ORC2: variants seen among roughly 807,000 people sequenced by gnomAD.
ORC2 encodes origin recognition complex protein 2 homolog.
Under a neutral mutation model 77.7 loss-of-function variants are expected in ORC2, and 37 were observed. The ratio of observed to expected loss-of-function variants is 0.48; its 90% CI spans 0.37 to 0.63. The LOEUF is 0.63. ORC2 is among the 20% of genes least tolerant of loss of function. ORC2 has a pLI of 0.00. For synonymous variants in ORC2, 201 were observed against 229.5 expected (o/e 0.88, Z 1.12); for missense variants, 557 against 661.9 (o/e 0.84, Z 1.74).
At chr2:200,928,999 C>T (rs920886782) in intron 11 of ORC2, among the ~76,000 whole-genome samples, 3 of 151,950 alleles carry the variant, frequency 2.0e-5, no homozygotes, top group Non-Finnish European at 4.4e-5. Context: ...CCTGCTCTGT[C>T]ACCCAGGCTG....
chr2:200,957,515 G>C lies in ORC2; in HGVS notation c.124C>G (p.Leu42Val), dbSNP rs745818859. 2.5e-6 allele frequency: 4 copies of C among 1,608,300 alleles called. No individual in the cohort carries two copies. Among genetic ancestry groups the C allele is most frequent in the Non-Finnish European group, 3.4e-6 (4 of 1,177,278 alleles). Reference sequence around the variant, plus strand: ...ATTATTTTTTTGGGGTTGACCAAAAGCTGCGCTCGCTCCTTCTTCAATTTA... The same window carrying C: ...ATTATTTTTTTGGGGTTGACCAAAACCTGCGCTCGCTCCTTCTTCAATTTA... The part of the protein sequence containing the change: ...GAKLKKERAQ[L>V]LVNPKKIIKK... Residue 42 changes from leucine (L) to valine (V), a missense_variant, in exon 4 of 18, where the codon CTT becomes GTT. Leu to Val is a conservative substitution (Grantham distance 32). Coordinates refer to ENST00000234296, the MANE Select transcript of ORC2 (RefSeq NM_006190.5).
intron 17 of ORC2, among the ~76,000 whole-genome samples, chr2:200,912,316 T>G (rs1164980124): frequency 6.6e-6 from 1 of 152,234 alleles, no homozygotes; most frequent in African/African-American, 2.4e-5. Flanking sequence ...AGTTGACATT[T>G]CCATTTGGAA....
rs745818859 is a variant in ORC2, at chr2:200,957,515, G to A, written c.124C>T (p.Leu42Phe). 6.2e-7 allele frequency: 1 copy of A among 1,608,300 alleles called. No homozygotes were observed. Among genetic ancestry groups the A allele is most frequent in the South Asian group, 1.1e-5 (1 of 90,314 alleles). The stretch of plus-strand genomic sequence containing the variant: ...ATTATTTTTTTGGGGTTGACCAAAA[G>A]CTGCGCTCGCTCCTTCTTCAATTTA... ...GAKLKKERAQ[L>F]LVNPKKIIKK... Residue 42 changes from leucine to phenylalanine, a missense_variant, in exon 4 of 18, where the codon CTT becomes TTT. By Grantham distance (22) the Leu-to-Phe change is conservative. Coordinates refer to ENST00000234296, the MANE Select transcript of ORC2 (RefSeq NM_006190.5).
chr2:200,911,619 A>T (rs951223704), intron 17 of ORC2, among the ~76,000 whole-genome samples: 1 of 151,500 alleles, frequency 6.6e-6, no homozygotes, highest in Non-Finnish European at 1.5e-5. Context: ...GTGGGTATTT[A>T]TTTTTTTCAT....
At chr2:200,960,298 C>T (rs549395909) in intron 1 of ORC2, among the ~76,000 whole-genome samples, 3 of 151,832 alleles carry the variant, frequency 2.0e-5, no homozygotes, top group Admixed American at 6.6e-5. Context: ...TTTTAAACAA[C>T]AACGACAACA....
At chr2:200,947,420 CAT>C (rs1356493158) in intron 5 of ORC2, among the ~76,000 whole-genome samples, 2 of 152,050 alleles carry the variant, frequency 1.3e-5, no homozygotes, top group Admixed American at 1.3e-4. Flanking sequence ...CAACATTTAA[CAT>C]ATTTTATTTT....
chr2:200,920,129 C>T (rs992960681), intron 15 of ORC2, 93 bp downstream of exon 15: 31 of 873,330 alleles, frequency 3.5e-5, no homozygotes, highest in Admixed American at 5.7e-5. Context: ...AATCCTTCAA[C>T]TAACTAGGGA....
chr2:200,920,283 A>G lies in ORC2; in HGVS notation c.1405T>C (p.Ser469Pro). Residue 469 changes from serine to proline, a missense_variant, in exon 15 of 18, where the codon TCT becomes CCT. Coordinates refer to ENST00000234296, the MANE Select transcript of ORC2 (RefSeq NM_006190.5). ...SYENSLLVKQ[S>P]GSLPLSSLTH... ...AGGGAGCTAAGTGGCAGGGATCCAG[A>G]CTGCTTTACCAGAAGAGAGTTCTCA... 6.2e-7 allele frequency: 1 copy of G among 1,613,946 alleles called. No homozygotes were observed. Among genetic ancestry groups the G allele is most frequent in the Non-Finnish European group, 8.5e-7 (1 of 1,179,900 alleles).
At position 200,941,300 on chromosome 2, in the gene ORC2, C is replaced by T. The variant is rs1407943511; in HGVS notation, c.422-21G>A. ...ATGGCCTAAAGAATGAAACAAAAAG[C>T]CATGACTTACTACGGACACTTCACT... On this transcript the variant is annotated intron_variant, in intron 6 of 17. Coordinates refer to ENST00000234296, the MANE Select transcript of ORC2 (RefSeq NM_006190.5). 1.9e-6 allele frequency: 3 copies of T among 1,604,542 alleles called. No homozygotes were observed. The East Asian group carries it at 6.7e-5, about 36-fold the overall frequency.
chr2:200,956,662 C>T (rs900104350), intron 4 of ORC2, among the ~76,000 whole-genome samples: 22 of 152,080 alleles, frequency 1.4e-4, no homozygotes, highest in Admixed American at 7.9e-4. Context: ...GTACTAGCTA[C>T]TCAGGTGGCT....
Position 200,942,872 on chromosome 2 carries a change from C to T in ORC2, c.329-95G>A, listed in dbSNP as rs932518895. 4.5e-4 allele frequency: 275 copies of T among 606,896 alleles called. 1 individual carries two copies. Among genetic ancestry groups the T allele is most frequent in the Non-Finnish European group, 8.2e-5 (30 of 365,552 alleles). The allele number at this position is 606,896 out of a possible 1,614,324, so 37.6% of individuals were successfully genotyped here. ...ACGCTTACAAAAATTCTTTAAAAAC[C>T]TCTGTTACTTTTATCAGAAAAATAA... On this transcript the variant is annotated intron_variant, in intron 5 of 17. Transcript: ENST00000234296.
intron 8 of ORC2, among the ~76,000 whole-genome samples, 183 bp from the exon 9 acceptor site, chr2:200,936,075 A>G (rs2041041188): frequency 6.6e-6 from 1 of 152,254 alleles, no homozygotes; most frequent in Non-Finnish European, 1.5e-5. Context: ...TATCAAATTA[A>G]TAGTACATAG....
chr2:200,939,288 G>A (rs1401939537), intron 7 of ORC2, among the ~76,000 whole-genome samples: 2 of 152,074 alleles, frequency 1.3e-5, no homozygotes, highest in Non-Finnish European at 2.9e-5. Flanking sequence ...TGAGTATTGA[G>A]ATAACTTATA....
intron 12 of ORC2, among the ~76,000 whole-genome samples, 162 bp from the exon 13 acceptor site, chr2:200,926,094 T>C (rs2040833697): frequency 6.6e-6 from 1 of 152,218 alleles, no homozygotes; most frequent in Non-Finnish European, 1.5e-5. Context: ...TATATCTAAT[T>C]CATTGTTTTT....
chr2:200,926,764 T>G lies in ORC2; in HGVS notation c.1050+4A>C. ...TTTTTCCCTTTAACATTTTTGAAAC[T>G]TACTGATTTCACACTGATTCCAGGA... is the stretch of plus-strand genomic sequence containing the variant. On this transcript the variant is annotated splice_donor_region_variant and intron_variant, in intron 12 of 17. Coordinates refer to ENST00000234296, the MANE Select transcript of ORC2 (RefSeq NM_006190.5). 1 of 1,613,614 alleles carries G rather than the reference T, an allele frequency of 6.2e-7. No homozygotes were observed. Among genetic ancestry groups the G allele is most frequent in the Non-Finnish European group, 8.5e-7 (1 of 1,179,724 alleles).
At chr2:200,936,112 T>C (rs990622304) in intron 8 of ORC2, among the ~76,000 whole-genome samples, 3 of 152,242 alleles carry the variant, frequency 2.0e-5, no homozygotes, top group East Asian at 1.9e-4. Flanking sequence ...GAAGATTACA[T>C]TGAAATGTAT....
chr2:200,941,381 A>G (rs1035147103), intron 6 of ORC2, 102 bp from the exon 7 acceptor site: 24 of 1,027,340 alleles, frequency 2.3e-5, no homozygotes, highest in Non-Finnish European at 3.2e-5. Flanking sequence ...GGTGGCTCAC[A>G]TCTGTAATCC....
chr2:200,957,074 A>G (rs1485773145), intron 4 of ORC2, among the ~76,000 whole-genome samples: 1 of 152,178 alleles, frequency 6.6e-6, no homozygotes, highest in Non-Finnish European at 1.5e-5. Flanking sequence ...TAAAACCTAG[A>G]TGATGGGTTG....
rs1217025103 is a variant in ORC2 at position 200,909,238 on chromosome 2, T to C, written c.*2063A>G. On this transcript the variant is annotated 3_prime_UTR_variant, in exon 18 of 18. Transcript: ENST00000234296. ...GATACTTTTACATATGCATAGACGA[T>C]ATCTGGAAGAATACTTAAGAAAATG... 1 of 152,198 alleles carries C rather than the reference T, an allele frequency of 6.6e-6. No homozygotes were observed. 9.4% of individuals were successfully genotyped at this position (152,198 alleles called of 1,614,324 possible). A position where few individuals can be genotyped will look rare whatever the true frequency, so the allele number is the denominator to read the frequency against.
Sources: allele counts gnomAD v4.1 joint callset (sites outside exome capture counted in the v4.1 genomes callset), GRCh38; gene constraint gnomAD v4.1.1; transcripts MANE v1.5; gene names NCBI Gene and HGNC (gene_info 2026-07-23, HGNC 2026-07-21).